The following AGBL3 variants were observed in gnomAD, a reference collection of about 807,000 sequenced individuals.
AGBL3 encodes the protein AGBL carboxypeptidase 3, also known as cytosolic carboxypeptidase 3.
Under a neutral mutation model 94.5 loss-of-function variants are expected in AGBL3, and 68 were observed. That is an observed-to-expected ratio of 0.72 (90% CI 0.59 to 0.88). The LOEUF is 0.88. Among genes scored for constraint, AGBL3 ranks in the 40% least tolerant of loss-of-function variants. The pLI, the probability that AGBL3 is intolerant of heterozygous loss-of-function variation, is 0.00. For missense variants in AGBL3, 934 were observed against 1,103.8 expected, an observed-to-expected ratio of 0.85 and a Z score of 2.18; for synonymous variants, 354 against 370.7, an observed-to-expected ratio of 0.95 and a Z score of 0.52.
At chr7:135,079,526 C>T (rs767273216) in intron 13 of AGBL3, among the ~76,000 whole-genome samples, 7 of 151,910 alleles carry the variant, frequency 4.6e-5, no homozygotes, top group Non-Finnish European at 7.4e-5. Flanking sequence ...AGTGCAGTGG[C>T]GCCATGTCAG....
intron 15 of AGBL3, among the ~76,000 whole-genome samples, chr7:135,087,597 G>A (rs1821432761): frequency 6.6e-6 from 1 of 151,876 alleles, no homozygotes. Flanking sequence ...TTATTCAGAA[G>A]TATGTTGTCT....
intron 8 of AGBL3, among the ~76,000 whole-genome samples, chr7:135,039,329 A>T (rs546477887): frequency 1.3e-5 from 2 of 152,250 alleles, no homozygotes; most frequent in Admixed American, 1.3e-4. Flanking sequence ...CTTAAGGAAC[A>T]TTAGAATATA....
At chr7:135,128,658 G>C in intron 16 of AGBL3, 1 of 1,046,910 alleles carries the variant, frequency 9.6e-7, no homozygotes, top group African/African-American at 1.6e-5. Context: ...ATTTCTTAAG[G>C]AAGAGACCCT....
chr7:135,095,326 A>C (rs565583680), intron 15 of AGBL3, among the ~76,000 whole-genome samples: 1 of 152,198 alleles, frequency 6.6e-6, no homozygotes, highest in African/African-American at 2.4e-5. Context: ...CTCCAGTATA[A>C]TAACAGTGGT....
At chr7:135,113,270 T>C (rs1406513174) in intron 15 of AGBL3, among the ~76,000 whole-genome samples, 1 of 152,216 alleles carries the variant, frequency 6.6e-6, no homozygotes, top group Non-Finnish European at 1.5e-5. Context: ...CAAAAAAACT[T>C]ATTGTAGAAA....
At chr7:135,081,482 T>C (rs1933259095) in intron 14 of AGBL3, among the ~76,000 whole-genome samples, 1 of 152,152 alleles carries the variant, frequency 6.6e-6, no homozygotes, top group Non-Finnish European at 1.5e-5. Context: ...TTGTGTGTTT[T>C]CTTATTTCTT....
At chr7:135,035,756 G>T (rs1183569964) in intron 7 of AGBL3, among the ~76,000 whole-genome samples, 1 of 152,134 alleles carries the variant, frequency 6.6e-6, no homozygotes, top group Non-Finnish European at 1.5e-5. Context: ...AAATTAATCT[G>T]TTAGAAGTAA....
chr7:135,097,017 A>G (rs961994062), intron 15 of AGBL3, among the ~76,000 whole-genome samples: 2 of 152,218 alleles, frequency 1.3e-5, no homozygotes. Context: ...AAGTGTTTTT[A>G]TGACCCAAGA....
At chr7:135,047,470 A>G (rs1430579975) in intron 11 of AGBL3, among the ~76,000 whole-genome samples, 1 of 151,982 alleles carries the variant, frequency 6.6e-6, no homozygotes, top group African/African-American at 2.4e-5. Context: ...TTTCAGTAGC[A>G]GCTGCACTGT....
intron 15 of AGBL3, among the ~76,000 whole-genome samples, chr7:135,105,607 A>G (rs1824582789): frequency 6.6e-6 from 1 of 152,208 alleles, no homozygotes; most frequent in African/African-American, 2.4e-5. Flanking sequence ...GTTTTTGTAC[A>G]GTACCATGCT....
intron 15 of AGBL3, among the ~76,000 whole-genome samples, chr7:135,105,629 T>C (rs1824588258): frequency 6.6e-6 from 1 of 152,260 alleles, no homozygotes. Flanking sequence ...TTTTGGTTAC[T>C]ATAGCCCTAT....
chr7:135,101,889 C>T lies in AGBL3; in HGVS notation c.2111-13491C>T, dbSNP rs147443003. Reference sequence around the variant, plus strand: ...ATGAGAGATAATTGAATCATGGAGGCGGCGTCCCCCATGCTGTCCTCATGA... The same window carrying T: ...ATGAGAGATAATTGAATCATGGAGGTGGCGTCCCCCATGCTGTCCTCATGA... On this transcript the variant is annotated intron_variant, in intron 15 of 16. Coordinates refer to ENST00000436302, the MANE Select transcript of AGBL3 (RefSeq NM_178563.4). 3.4e-3 allele frequency among the ~76,000 whole-genome samples: 511 copies of T among 152,182 alleles called. 1 individual carries two copies. The highest frequency in any genetic ancestry group is 0.012 in the African/African-American group (488 of 41,516).
At chr7:135,008,691 AAATG>A (rs1339579063) in intron 4 of AGBL3, among the ~76,000 whole-genome samples, 1 of 152,206 alleles carries the variant, frequency 6.6e-6, no homozygotes, top group East Asian at 1.9e-4. Context: ...ACTGTCAAGA[AAATG>A]AAAATAAAAC....
At chr7:135,051,800 C>T (rs537881874) in intron 11 of AGBL3, among the ~76,000 whole-genome samples, 8 of 152,094 alleles carry the variant, frequency 5.3e-5, no homozygotes, top group Admixed American at 2.0e-4. Flanking sequence ...TCTTCCTTTT[C>T]CTATCATATA....
chr7:135,024,268 T>C (rs1318968920), intron 5 of AGBL3, among the ~76,000 whole-genome samples: 1 of 151,986 alleles, frequency 6.6e-6, no homozygotes, highest in Non-Finnish European at 1.5e-5. Flanking sequence ...CACCATAGAG[T>C]GCTGCTGCAG....
chr7:134,990,065 G>T (rs548423936), intron 3 of AGBL3, among the ~76,000 whole-genome samples: 1 of 152,198 alleles, frequency 6.6e-6, no homozygotes, highest in South Asian at 2.1e-4. Flanking sequence ...CCTTTAACTA[G>T]CATTTCTGGG....
intron 5 of AGBL3, among the ~76,000 whole-genome samples, chr7:135,028,683 TC>T (rs1815409754): frequency 6.6e-6 from 1 of 152,210 alleles, no homozygotes; most frequent in Admixed American, 6.5e-5. Context: ...TTTTGCCTCC[TC>T]CCATGAATTA....
intron 16 of AGBL3, among the ~76,000 whole-genome samples, chr7:135,121,817 C>T (rs1271374035): frequency 6.6e-6 from 1 of 152,156 alleles, no homozygotes; most frequent in Non-Finnish European, 1.5e-5. Context: ...GAGAGCACCC[C>T]CCTATATCCC....
At position 135,080,821 on chromosome 7, in the gene AGBL3, G is replaced by A. The variant is rs1308517303; in HGVS notation, c.2038+561G>A. 2.1e-5 allele frequency among the ~76,000 whole-genome samples: 3 copies of A among 144,554 alleles called. No homozygotes were observed. The Admixed American group carries it at 2.1e-4, about 10-fold the overall frequency. 94.8% of individuals were successfully genotyped at this position (144,554 alleles called of 152,430 possible). ...TGGCAGGGGGAATCATATAATTTAA[G>A]CAATATTTTGATTTTATCTAAAATA... is the stretch of plus-strand genomic sequence containing the variant. On this transcript the variant is annotated intron_variant, in intron 14 of 16. Transcript: ENST00000436302.
Sources: gnomAD v4.1 joint callset for allele counts (sites outside exome capture counted in the v4.1 genomes callset) on GRCh38, gnomAD v4.1.1 for gene constraint, MANE v1.5 for transcripts, NCBI Gene and HGNC (gene_info 2026-07-23, HGNC 2026-07-21) for gene names.